Variants in STARD9 observed in about 807,000 individuals in gnomAD.
STARD9 encodes StAR related lipid transfer domain containing 9, also known as stAR-related lipid transfer protein 9.
In STARD9, 346 loss-of-function variants were observed where a neutral mutation model predicts 399.8. That is an observed-to-expected ratio of 0.87 (90% confidence interval 0.79 to 0.95). STARD9 has a LOEUF of 0.95. Ranked by LOEUF, STARD9 falls within the 40% of genes least tolerant of loss-of-function variation. STARD9 has a pLI of 0.00. For missense variants in STARD9, 5,832 were observed against 5,667.5 expected (o/e 1.03, Z -0.93); for synonymous variants, 2,203 against 2,143.5 (o/e 1.03, Z -0.77).
intron 3 of STARD9, among the ~76,000 whole-genome samples, chr15:42,608,637 CA>C (rs1396067620): frequency 3.3e-5 from 5 of 152,008 alleles, no homozygotes; most frequent in African/African-American, 1.2e-4. Flanking sequence ...TATTAGCAAC[CA>C]AAAAAACTTG....
Position 42,689,601 on chromosome 15 carries a change from A to G in STARD9, c.8023A>G (p.Arg2675Gly), listed in dbSNP as rs1416311430. ...CTCCCATGCTGCTCCTGCTCAAGAC[A>G]GGAAACGTCGTACTGGAGAACTGAG... is the stretch of plus-strand genomic sequence containing the variant. ...AFSHAAPAQD[R>G]KRRTGELRQF... is the part of the protein sequence containing the mutation. The change falls in exon 23 of 33, where the codon AGG (arginine) becomes GGG (glycine). Residue 2675 changes from arginine to glycine, a missense_variant. Arg to Gly is a moderately radical substitution (Grantham distance 125). Coordinates refer to ENST00000290607, the MANE Select transcript of STARD9 (RefSeq NM_020759.3). 5.2e-6 allele frequency: 8 copies of G among 1,537,300 alleles called. No individual in the cohort carries two copies.
Position 42,710,241 on chromosome 15 carries a change from T to C in STARD9, c.13285-6436T>C, listed in dbSNP as rs1478904178. 2.6e-5 allele frequency among the ~76,000 whole-genome samples: 4 copies of C among 152,148 alleles called. No individual in the cohort carries two copies. In the East Asian group the frequency reaches 7.7e-4, roughly 29 times the overall value. ...TGCCCGGGTACTTTTGTATTTTTGTTTTCTAGAGATGGGGTTTTACCATGT... is the reference window on the plus strand; with the variant it reads ...TGCCCGGGTACTTTTGTATTTTTGTCTTCTAGAGATGGGGTTTTACCATGT... On this transcript the variant is annotated intron_variant, in intron 26 of 32. Transcript: ENST00000290607.
In STARD9 at chr15:42,693,912, C is replaced by T; in HGVS notation, c.12334C>T (p.Pro4112Ser). 2.0e-6 allele frequency: 3 copies of T among 1,517,664 alleles called. No individual in the cohort carries two copies. Among genetic ancestry groups the T allele is most frequent in the Non-Finnish European group, 2.6e-6 (3 of 1,136,232 alleles). The allele number at this position is 1,517,664 out of a possible 1,614,324, so 94.0% of individuals were successfully genotyped here. ...CTTGGGCCTCCCTCAGGCCTGCCAA[C>T]CTGAGGAGTTACTGTGCTTCAGTTG... ...SALGLPQACQ[P>S]EELLCFSCQM... is the part of the protein sequence containing the mutation. Residue 4112 changes from proline to serine, a missense_variant, in exon 23 of 33, where the codon CCT (proline) becomes TCT (serine). By Grantham distance (74) the Pro-to-Ser change is moderately conservative (BLOSUM62 -1). This residue lies in a region of STARD9 where 5,828 missense variants were observed against 5,651.1 expected (regional missense o/e 1.03). Coordinates refer to ENST00000290607, the MANE Select transcript of STARD9 (RefSeq NM_020759.3).
intron 3 of STARD9, among the ~76,000 whole-genome samples, chr15:42,634,453 C>G: frequency 6.6e-6 from 1 of 152,300 alleles, no homozygotes; most frequent in African/African-American, 2.4e-5. Flanking sequence ...TATCCTAAGA[C>G]CCTGAATTTG....
intron 1 of STARD9, chr15:42,581,320 TTCTA>T (rs1413701466): frequency 7.8e-7 from 1 of 1,285,862 alleles, no homozygotes; most frequent in African/African-American, 1.5e-5. Context: ...AACAGAAACT[TTCTA>T]TCATAAATGA....
At chr15:42,630,242 A>T (rs1316398374) in intron 3 of STARD9, 1 of 151,988 alleles carries the variant, frequency 6.6e-6, no homozygotes, top group African/African-American at 2.4e-5. Context: ...TGACCTTGTG[A>T]TCTCCCTGCC....
chr15:42,581,215 G>T, intron 1 of STARD9: 1 of 783,452 alleles, frequency 1.3e-6, no homozygotes, highest in East Asian at 2.4e-5. Context: ...ACTTCTACTT[G>T]TGGAGTCTTC....
intron 26 of STARD9, among the ~76,000 whole-genome samples, chr15:42,709,772 G>T (rs1014296493): frequency 6.6e-6 from 1 of 152,122 alleles, no homozygotes; most frequent in Non-Finnish European, 1.5e-5. Flanking sequence ...GTGTCTACTG[G>T]TGTATCTTAC....
intron 15 of STARD9, among the ~76,000 whole-genome samples, chr15:42,668,947 T>G (rs942338187): frequency 1.4e-4 from 22 of 152,222 alleles, no homozygotes; most frequent in African/African-American, 5.3e-4. Flanking sequence ...GGCTTCTGTT[T>G]ATACAAGTAA....
intron 3 of STARD9, among the ~76,000 whole-genome samples, chr15:42,603,232 C>G (rs569639072): frequency 1.3e-3 from 202 of 152,184 alleles, no homozygotes; most frequent in African/African-American, 4.8e-3. Flanking sequence ...GGAGTGCAGC[C>G]TGCCTCAGCC....
chr15:42,711,849 G>A (rs1227624599), intron 26 of STARD9, among the ~76,000 whole-genome samples: 2 of 150,106 alleles, frequency 1.3e-5, no homozygotes, highest in East Asian at 2.0e-4. Context: ...CTAGAGTTGA[G>A]TTGCAGGATC....
chr15:42,625,757 C>G (rs1158477789), intron 3 of STARD9, among the ~76,000 whole-genome samples: 5 of 148,834 alleles, frequency 3.4e-5, no homozygotes, highest in Non-Finnish European at 7.4e-5. Flanking sequence ...ATGCATGAAA[C>G]TTTTCTGTGG....
At chr15:42,706,311 T>C (rs191913662) in intron 26 of STARD9, among the ~76,000 whole-genome samples, 184 of 152,338 alleles carry the variant, frequency 1.2e-3, no homozygotes, top group African/African-American at 4.4e-3. Flanking sequence ...AAATAGGTTT[T>C]TTCGTTCCTT....
intron 26 of STARD9, among the ~76,000 whole-genome samples, chr15:42,703,092 G>A (rs2061001600): frequency 1.3e-5 from 2 of 152,074 alleles, no homozygotes; most frequent in South Asian, 4.1e-4. Flanking sequence ...ACCACACCTA[G>A]CCTATTTGCT....
intron 2 of STARD9, among the ~76,000 whole-genome samples, chr15:42,584,727 C>T (rs569875212): frequency 6.6e-6 from 1 of 152,298 alleles, no homozygotes; most frequent in South Asian, 2.1e-4. Flanking sequence ...ACTCTTCTGT[C>T]CAATGTGGTG....
chr15:42,593,524 G>A (rs1446235378), intron 3 of STARD9, among the ~76,000 whole-genome samples: 1 of 151,794 alleles, frequency 6.6e-6, no homozygotes, highest in African/African-American at 2.4e-5. Context: ...CTGTTATTTA[G>A]CTAAAACACT....
At chr15:42,612,523 C>T (rs987684067) in intron 3 of STARD9, among the ~76,000 whole-genome samples, 11 of 152,194 alleles carry the variant, frequency 7.2e-5, no homozygotes, top group African/African-American at 2.4e-4. Context: ...TTTATCATTT[C>T]TCACAGGATT....
At chr15:42,668,176 G>C (rs1269327424) in intron 15 of STARD9, among the ~76,000 whole-genome samples, 1 of 152,158 alleles carries the variant, frequency 6.6e-6, no homozygotes, top group Non-Finnish European at 1.5e-5. Flanking sequence ...CTGTAAGCCA[G>C]AGTGTCCTGC....
At chr15:42,655,585 C>T (rs541616471) in intron 9 of STARD9, among the ~76,000 whole-genome samples, 3 of 152,168 alleles carry the variant, frequency 2.0e-5, no homozygotes, top group Non-Finnish European at 4.4e-5. Flanking sequence ...CAAAAATCAA[C>T]TCAAGATAGA....
Sources: gnomAD v4.1 joint callset for allele counts (sites outside exome capture counted in the v4.1 genomes callset) on GRCh38, gnomAD v4.1.1 for gene constraint, gnomAD v4.1.1 regional missense constraint, MANE v1.5 for transcripts, NCBI Gene and HGNC (gene_info 2026-07-23, HGNC 2026-07-21) for gene names.